Variants in STON2 observed in about 807,000 individuals in gnomAD.
STON2 encodes stonin 2.
A neutral mutation model predicts 65.7 loss-of-function variants in STON2; 29 were observed. The observed-to-expected ratio is 0.44, with a 90% CI of 0.33 to 0.60. The LOEUF (loss-of-function observed/expected upper bound fraction) is 0.60, where lower values mean the gene tolerates loss of function less well. Among genes scored for constraint, STON2 ranks in the 20% least tolerant of loss-of-function variants. The pLI, the probability that STON2 is intolerant of heterozygous loss-of-function variation, is 0.03. For missense variants in STON2, 1,054 were observed against 1,118.1 expected (o/e 0.94, Z 0.82); for synonymous variants, 404 against 414.2 (o/e 0.98, Z 0.30).
chr14:81,283,469 G>C (rs1895203671), intron 5 of STON2, among the ~76,000 whole-genome samples: 1 of 150,766 alleles, frequency 6.6e-6, no homozygotes, highest in South Asian at 2.1e-4. Flanking sequence ...AGCAGTGACT[G>C]TTACATAACA....
chr14:81,414,385 G>A (rs1034148534), intron 2 of STON2, among the ~76,000 whole-genome samples: 4 of 152,068 alleles, frequency 2.6e-5, no homozygotes, highest in Non-Finnish European at 4.4e-5. Context: ...GCTCTCACAC[G>A]CCAGGGCAAT....
At chr14:81,385,265 T>G (rs916007722) in intron 3 of STON2, among the ~76,000 whole-genome samples, 3 of 152,264 alleles carry the variant, frequency 2.0e-5, no homozygotes, top group Non-Finnish European at 2.9e-5. Flanking sequence ...TAAAATATTC[T>G]GTTTCCTTTT....
chr14:81,270,098 CTTTT>C (rs2140098236), intron 7 of STON2: 2 of 957,682 alleles, frequency 2.1e-6, no homozygotes, highest in East Asian at 2.3e-4. Flanking sequence ...TACTCTTTTT[CTTTT>C]TTTGAGACAC....
intron 3 of STON2, among the ~76,000 whole-genome samples, chr14:81,385,599 G>A (rs1419780043): frequency 3.9e-5 from 6 of 152,120 alleles, no homozygotes; most frequent in African/African-American, 1.2e-4. Context: ...AAAACAACAA[G>A]CTGACTTCAC....
intron 5 of STON2, among the ~76,000 whole-genome samples, chr14:81,319,499 G>T (rs753369312): frequency 3.3e-5 from 5 of 152,090 alleles, no homozygotes; most frequent in Non-Finnish European, 7.4e-5. Context: ...GGGTTAGTTT[G>T]CTTTTGGCCA....
At chr14:81,419,540 A>C (rs1195412310) in intron 2 of STON2, among the ~76,000 whole-genome samples, 1 of 152,214 alleles carries the variant, frequency 6.6e-6, no homozygotes, top group Non-Finnish European at 1.5e-5. Flanking sequence ...TAATGCATCC[A>C]TCTGCCCAAT....
intron 2 of STON2, among the ~76,000 whole-genome samples, chr14:81,411,650 T>C (rs1901167429): frequency 6.6e-6 from 1 of 152,244 alleles, no homozygotes; most frequent in African/African-American, 2.4e-5. Flanking sequence ...GAGGTTGCAG[T>C]GAGCCAAGAT....
chr14:81,303,307 A>C (rs552763304), intron 5 of STON2, among the ~76,000 whole-genome samples: 1 of 152,294 alleles, frequency 6.6e-6, no homozygotes, highest in South Asian at 2.1e-4. Flanking sequence ...GCTCCATCAG[A>C]GCCTGACACA....
At chr14:81,409,502 T>C (rs1298137157) in intron 2 of STON2, among the ~76,000 whole-genome samples, 1 of 151,970 alleles carries the variant, frequency 6.6e-6, no homozygotes, top group East Asian at 1.9e-4. Context: ...ATTGTCTTAT[T>C]TTTTACCAGT....
chr14:81,275,152 T>C (rs547716242), intron 6 of STON2, among the ~76,000 whole-genome samples: 1 of 152,094 alleles, frequency 6.6e-6, no homozygotes, highest in Non-Finnish European at 1.5e-5. Context: ...ATAATAATAA[T>C]AAACCTTCAT....
chr14:81,277,203 A>C lies in STON2; in HGVS notation c.2279T>G (p.Val760Gly). ...AGTTGACATCCTCAGCCAGCTCTGCACCTCCACCTCTGCCCCATTGACACT... is the reference window on the plus strand; with the variant it reads ...AGTTGACATCCTCAGCCAGCTCTGCCCCTCCACCTCTGCCCCATTGACACT... ...ATSVNGAEVEVQSWLRMSTGF... is the reference protein window; with the variant it reads ...ATSVNGAEVEGQSWLRMSTGF... The change falls in exon 6 of 8, where the codon GTG (valine) becomes GGG (glycine). Residue 760 changes from valine (V) to glycine (G), a missense_variant. Val to Gly is a moderately radical substitution (Grantham distance 109, BLOSUM62 -3). Transcript: ENST00000614646. 1 of 1,614,144 alleles carries C rather than the reference A, an allele frequency of 6.2e-7. No individual in the cohort carries two copies.
At chr14:81,375,336 A>T (rs1003149275) in intron 3 of STON2, among the ~76,000 whole-genome samples, 2 of 152,124 alleles carry the variant, frequency 1.3e-5, no homozygotes, top group African/African-American at 4.8e-5. Flanking sequence ...TGCACAAAAA[A>T]TATATCTAAA....
chr14:81,384,168 G>C (rs1899673397), intron 3 of STON2, among the ~76,000 whole-genome samples: 1 of 152,038 alleles, frequency 6.6e-6, no homozygotes, highest in Non-Finnish European at 1.5e-5. Context: ...CCTCACCATA[G>C]TCCCTTGTTT....
chr14:81,291,915 T>G (rs901022797), intron 5 of STON2, among the ~76,000 whole-genome samples: 45 of 150,636 alleles, frequency 3.0e-4, no homozygotes, highest in African/African-American at 1.1e-3. Flanking sequence ...ATATCACCTC[T>G]TCCCTATCCT....
intron 2 of STON2, among the ~76,000 whole-genome samples, chr14:81,417,530 G>C (rs2139882931): frequency 6.6e-6 from 1 of 152,290 alleles, no homozygotes; most frequent in East Asian, 1.9e-4. Flanking sequence ...AGTATCTGAG[G>C]TAAGGGCAGA....
chr14:81,430,467 G>GC (rs1336093046), intron 1 of STON2, among the ~76,000 whole-genome samples: 4 of 152,060 alleles, frequency 2.6e-5, no homozygotes, highest in African/African-American at 9.7e-5. Context: ...CACACTCTTC[G>GC]CTGTGATGAA....
Position 81,412,855 on chromosome 14 carries a change from C to T in STON2, c.-199+14247G>A, listed in dbSNP as rs1901228248. On this transcript the variant is annotated intron_variant, in intron 2 of 8. Transcript: ENST00000553821. ...AAAACTTTCTGTCAAACATTAAAAG[C>T]TTTCTTCTTAGAGGCGCCACGGCTT... 3 of 512,920 alleles carry T rather than the reference C, an allele frequency of 5.8e-6. 1 individual carries two copies. The East Asian group carries it at 1.4e-4, about 24-fold the overall frequency. The allele number at this position is 512,920 out of a possible 1,614,324, so 31.8% of individuals were successfully genotyped here. A position where few individuals can be genotyped will look rare whatever the true frequency, so the allele number is the denominator to read the frequency against.
rs750464332 is a variant in STON2 at position 81,277,275 on chromosome 14, G to C, written c.2207C>G (p.Thr736Arg). The change falls in exon 6 of 8, where the codon ACA (threonine) becomes AGA (arginine). Residue 736 changes from threonine (T) to arginine (R), a missense_variant. Coordinates refer to ENST00000614646, the MANE Select transcript of STON2 (RefSeq NM_001394390.1). Reference protein sequence around the residue: ...ACRFELMRFRTVFAEKTLPFT... With the variant: ...ACRFELMRFRRVFAEKTLPFT... ...AGGCAAGGTCTTCTCAGCAAACACT[G>C]TCCTGAACCGCATTAGCTCAAACCG... 1 of 1,614,148 alleles carries C rather than the reference G, an allele frequency of 6.2e-7. No homozygotes were observed. The highest frequency in any genetic ancestry group is 1.1e-5 in the South Asian group (1 of 91,084).
chr14:81,428,835 C>T (rs879375908), intron 1 of STON2, among the ~76,000 whole-genome samples: 1 of 151,974 alleles, frequency 6.6e-6, no homozygotes. Context: ...TTTTTTAAAC[C>T]AGTTAGCTAA....
Sources: gnomAD v4.1 joint callset for allele counts (sites outside exome capture counted in the v4.1 genomes callset) on GRCh38, gnomAD v4.1.1 for gene constraint, MANE v1.5 for transcripts, NCBI Gene and HGNC (gene_info 2026-07-23, HGNC 2026-07-21) for gene names.